The following CRISPLD1 variants were observed in gnomAD, a reference collection of about 807,000 sequenced individuals.
CRISPLD1 encodes the protein cysteine rich secretory protein LCCL domain containing 1.
In CRISPLD1, 60 loss-of-function variants were observed where a neutral mutation model predicts 77.5. That is an observed-to-expected ratio of 0.77 (90% confidence interval 0.63 to 0.96). The LOEUF (loss-of-function observed/expected upper bound fraction) is 0.96, where lower values mean the gene tolerates loss of function less well. CRISPLD1 is among the 40% of genes least tolerant of loss of function. CRISPLD1 has a pLI of 0.00. For missense variants in CRISPLD1, 623 were observed against 615.8 expected, an observed-to-expected ratio of 1.01 and a Z score of -0.12; for synonymous variants, 195 against 200.1, an observed-to-expected ratio of 0.97 and a Z score of 0.22.
At chr8:75,020,874 A>C (rs1432629208) in intron 12 of CRISPLD1, among the ~76,000 whole-genome samples, 1 of 152,174 alleles carries the variant, frequency 6.6e-6, no homozygotes. Flanking sequence ...ATTATAATGG[A>C]ATTTATATAC....
chr8:74,999,580 C>G (rs1045794029), intron 2 of CRISPLD1, among the ~76,000 whole-genome samples: 2 of 152,096 alleles, frequency 1.3e-5, no homozygotes, highest in Middle Eastern at 3.2e-3. Flanking sequence ...GATGTGGTGG[C>G]CGCTGTTCTA....
At chr8:75,016,229 A>T (rs559508252) in intron 6 of CRISPLD1, among the ~76,000 whole-genome samples, 15 of 152,312 alleles carry the variant, frequency 9.8e-5, no homozygotes, top group African/African-American at 3.4e-4. Flanking sequence ...GATTTTGCTA[A>T]GCCATGACCT....
intron 10 of CRISPLD1, 60 bp from the exon 11 acceptor site, chr8:75,019,810 A>G (rs928439730): frequency 6.4e-5 from 86 of 1,340,500 alleles, no homozygotes; most frequent in Non-Finnish European, 9.6e-6. Context: ...GATACCAGAA[A>G]TGATGCTGCT....
chr8:75,023,788 G>C (rs1352517789), intron 12 of CRISPLD1, among the ~76,000 whole-genome samples: 1 of 126,756 alleles, frequency 7.9e-6, no homozygotes, highest in East Asian at 2.1e-4. Context: ...TTAGTGATGA[G>C]TGCGTGTGTG....
chr8:75,009,420 T>C (rs1346308108), intron 2 of CRISPLD1, among the ~76,000 whole-genome samples: 1 of 152,080 alleles, frequency 6.6e-6, no homozygotes, highest in Non-Finnish European at 1.5e-5. Context: ...AGTCACTATT[T>C]AGCTCAAATT....
chr8:74,986,353 A>G, intron 2 of CRISPLD1, 108 bp downstream of exon 2: 1 of 1,197,180 alleles, frequency 8.4e-7, no homozygotes, highest in African/African-American at 1.5e-5. Flanking sequence ...AAGTTGAAAA[A>G]AGATTTTCTT....
intron 2 of CRISPLD1, among the ~76,000 whole-genome samples, chr8:74,999,128 A>G (rs1481472060): frequency 6.6e-6 from 1 of 152,158 alleles, no homozygotes; most frequent in Non-Finnish European, 1.5e-5. Context: ...GGCTAAAAAT[A>G]AGAACCTGAA....
intron 12 of CRISPLD1, 27 bp from the exon 13 acceptor site, chr8:75,025,519 A>G (rs745629089): frequency 7.1e-6 from 7 of 989,764 alleles, no homozygotes; most frequent in Admixed American, 2.6e-5. Context: ...CTTACTTAAT[A>G]TATATATAAT....
intron 2 of CRISPLD1, among the ~76,000 whole-genome samples, chr8:75,012,202 T>C (rs1812944010): frequency 6.6e-6 from 1 of 152,116 alleles, no homozygotes; most frequent in South Asian, 2.1e-4. Flanking sequence ...TTCACTTAAG[T>C]AATTGTAAAG....
At chr8:75,005,204 AT>A (rs1812807591) in intron 2 of CRISPLD1, among the ~76,000 whole-genome samples, 1 of 152,036 alleles carries the variant, frequency 6.6e-6, no homozygotes, top group African/African-American at 2.4e-5. Flanking sequence ...CAGAAATGTT[AT>A]TTTACAGCTA....
chr8:75,001,826 T>C (rs542967478), intron 2 of CRISPLD1, among the ~76,000 whole-genome samples: 1 of 152,320 alleles, frequency 6.6e-6, no homozygotes, highest in African/African-American at 2.4e-5. Context: ...ATCATAGCAC[T>C]ATTCCATTTT....
At chr8:75,028,738 T>C (rs975248296) in intron 13 of CRISPLD1, among the ~76,000 whole-genome samples, 2 of 152,340 alleles carry the variant, frequency 1.3e-5, no homozygotes, top group East Asian at 1.9e-4. Flanking sequence ...TAGTATTTCA[T>C]GTCAGACCAT....
intron 2 of CRISPLD1, 45 bp from the exon 3 acceptor site, chr8:75,012,388 T>G: frequency 8.8e-7 from 1 of 1,131,216 alleles, no homozygotes; most frequent in Non-Finnish European, 1.4e-6. Context: ...TGCAGAAGTG[T>G]CCAAATGCTA....
At chr8:74,993,563 C>T (rs763056624) in intron 2 of CRISPLD1, among the ~76,000 whole-genome samples, 2 of 152,022 alleles carry the variant, frequency 1.3e-5, no homozygotes, top group African/African-American at 2.4e-5. Context: ...TTTAAGACTT[C>T]GACCTTTAAA....
Position 75,024,562 on chromosome 8 carries a change from C to T in CRISPLD1, c.1245-984C>T, listed in dbSNP as rs539973106. Among the ~76,000 whole-genome samples, 466 of 152,060 alleles carry T rather than the reference C, an allele frequency of 3.1e-3. 3 individuals are homozygous for T. The highest frequency in any genetic ancestry group is 0.01 in the Middle Eastern group (3 of 294). ...CTGGTCACAAACTCCTGACCTCAGG[C>T]GATCCACCCACCTCGGCCTCCCAGA... On this transcript the variant is annotated intron_variant, in intron 12 of 14. Transcript: ENST00000262207.
chr8:74,986,678 G>T (rs576138602), intron 2 of CRISPLD1, among the ~76,000 whole-genome samples: 1 of 152,104 alleles, frequency 6.6e-6, no homozygotes, highest in African/African-American at 2.4e-5. Context: ...ATGGGTCTTT[G>T]TTTCTTATAA....
At chr8:74,992,722 C>T (rs899653320) in intron 2 of CRISPLD1, among the ~76,000 whole-genome samples, 11 of 152,106 alleles carry the variant, frequency 7.2e-5, no homozygotes, top group Non-Finnish European at 1.2e-4. Flanking sequence ...CTTCTCATGA[C>T]ACTTTTCTAA....
At chr8:75,022,247 T>TTA (rs1222690339) in intron 12 of CRISPLD1, among the ~76,000 whole-genome samples, 5 of 152,154 alleles carry the variant, frequency 3.3e-5, no homozygotes, top group Non-Finnish European at 7.4e-5. Flanking sequence ...CCTTTTTTTT[T>TTA]ATTTCAGTGA....
intron 13 of CRISPLD1, among the ~76,000 whole-genome samples, chr8:75,027,731 GAATC>G (rs1420200271): frequency 6.6e-6 from 1 of 152,138 alleles, no homozygotes; most frequent in Non-Finnish European, 1.5e-5. Context: ...GGAAATGTGA[GAATC>G]AATCAGCCAG....
Sources: allele counts gnomAD v4.1 joint callset (sites outside exome capture counted in the v4.1 genomes callset), GRCh38; gene constraint gnomAD v4.1.1; transcripts MANE v1.5; gene names NCBI Gene and HGNC (gene_info 2026-07-23, HGNC 2026-07-21).